Variants in RXRA observed in about 807,000 individuals in gnomAD.
The protein encoded by RXRA is retinoid X receptor alpha, also known as retinoic acid receptor RXR-alpha.
Under a neutral mutation model 44.5 loss-of-function variants are expected in RXRA, and 5 were observed. The ratio of observed to expected loss-of-function variants is 0.11; its 90% CI spans 0.06 to 0.24. RXRA has a LOEUF of 0.24. Ranked by LOEUF, RXRA falls within the 10% of genes least tolerant of loss-of-function variation. The pLI is 1.00. For synonymous variants in RXRA, 291 were observed against 271.4 expected (o/e 1.07, Z -0.71); for missense variants, 412 against 646.5 (o/e 0.64, Z 3.93).
intron 2 of RXRA, 33 bp from the exon 3 acceptor site, chr9:134,408,116 C>A (rs754312054): frequency 1.5e-5 from 23 of 1,502,236 alleles, no homozygotes; most frequent in Non-Finnish European, 2.0e-5. Flanking sequence ...ACCTGGTGTA[C>A]ACCCCGCTGA....
chr9:134,388,855 AG>A (rs1830759137), intron 1 of RXRA, among the ~76,000 whole-genome samples: 1 of 152,054 alleles, frequency 6.6e-6, no homozygotes, highest in Non-Finnish European at 1.5e-5. Flanking sequence ...GGAGGCTGTG[AG>A]TTCTCTGGAG....
intron 6 of RXRA, among the ~76,000 whole-genome samples, chr9:134,428,428 C>T (rs955758773): frequency 1.4e-5 from 2 of 140,598 alleles, no homozygotes; most frequent in Non-Finnish European, 3.1e-5. Context: ...CCCCAGGGAA[C>T]CCCCACTATG....
chr9:134,426,201 A>G lies in RXRA; in HGVS notation c.911-2907A>G, dbSNP rs1831432013. 2.0e-6 allele frequency: 2 copies of G among 985,426 alleles called. No homozygotes were observed. Among genetic ancestry groups the G allele is most frequent in the Non-Finnish European group, 2.4e-6 (2 of 829,920 alleles). The allele number at this position is 985,426 out of a possible 1,614,324, so 61.0% of individuals were successfully genotyped here. A position where few individuals can be genotyped will look rare whatever the true frequency, so the allele number is the denominator to read the frequency against. ...TGGAGTAAGACCTGGTATCCTCTGCATCACTGAGGTCCTCCTTCTGAAAGG... is the reference window on the plus strand; with the variant it reads ...TGGAGTAAGACCTGGTATCCTCTGCGTCACTGAGGTCCTCCTTCTGAAAGG... On this transcript the variant is annotated intron_variant, in intron 6 of 9. Transcript: ENST00000481739. The surrounding 1 kb of genome is among the most constrained non-coding windows in gnomAD (Gnocchi z 4.6).
At chr9:134,427,245 C>T (rs1831449875) in intron 6 of RXRA, 8 of 852,818 alleles carry the variant, frequency 9.4e-6, no homozygotes, top group Non-Finnish European at 1.1e-5. Flanking sequence ...TCGCGGCTGG[C>T]TCGGCTGAGC....
chr9:134,421,842 T>TG (rs1459039805), intron 6 of RXRA, 37 bp downstream of exon 6: 1 of 1,609,500 alleles, frequency 6.2e-7, no homozygotes, highest in Non-Finnish European at 8.5e-7. Flanking sequence ...GGGGATGCCA[T>TG]GCAGATGGGA....
chr9:134,362,014 A>G (rs978354541), intron 1 of RXRA, among the ~76,000 whole-genome samples: 5 of 152,100 alleles, frequency 3.3e-5, no homozygotes, highest in African/African-American at 4.8e-5. Flanking sequence ...CAGGGCTGCC[A>G]TTGGTGGGAG....
intron 1 of RXRA, among the ~76,000 whole-genome samples, chr9:134,328,565 G>C (rs143339170): frequency 1.3e-3 from 204 of 152,350 alleles, no homozygotes; most frequent in African/African-American, 4.6e-3. Flanking sequence ...GCTGAGCAGA[G>C]AGCCCTGGGC....
At chr9:134,368,638 GGTGT>G (rs762128457) in intron 1 of RXRA, among the ~76,000 whole-genome samples, 10 of 151,564 alleles carry the variant, frequency 6.6e-5, no homozygotes, top group South Asian at 2.1e-4. Context: ...GTGGCTGTGT[GGTGT>G]GTGTGTGAGG....
At chr9:134,410,505 C>A (rs777987860) in intron 4 of RXRA, among the ~76,000 whole-genome samples, 4 of 152,202 alleles carry the variant, frequency 2.6e-5, no homozygotes, top group African/African-American at 9.6e-5. Context: ...GTGTACCCAG[C>A]CTGGAGAGGT....
chr9:134,362,726 C>T (rs1025110384), intron 1 of RXRA, among the ~76,000 whole-genome samples: 4 of 152,302 alleles, frequency 2.6e-5, no homozygotes, highest in East Asian at 3.9e-4. Context: ...AAGGCCCCCA[C>T]GAGTGTACCC....
rs192328334 is a variant in RXRA, at chr9:134,363,357, C to T, written c.28+36698C>T. On this transcript the variant is annotated intron_variant, in intron 1 of 9. Coordinates refer to ENST00000481739, the MANE Select transcript of RXRA (RefSeq NM_002957.6). ...TGGCGGTGGGCCCTGTCCACCCACC[C>T]CATTTTCCTGAGCAGCGGGAGGTGG... Among the ~76,000 whole-genome samples the T allele has an allele frequency of 9.0e-3, 1,372 of 152,336 alleles. 9 individuals carry two copies. The highest frequency in any genetic ancestry group is 0.015 in the Non-Finnish European group (1,008 of 68,026).
intron 1 of RXRA, among the ~76,000 whole-genome samples, chr9:134,400,547 T>C (rs1377584362): frequency 7.9e-5 from 12 of 152,192 alleles, no homozygotes; most frequent in Non-Finnish European, 1.6e-4. Flanking sequence ...AGGCAGTGCC[T>C]CCAGCTCCCG....
intron 1 of RXRA, among the ~76,000 whole-genome samples, chr9:134,382,291 G>T (rs1458403857): frequency 6.6e-6 from 1 of 152,028 alleles, no homozygotes; most frequent in Non-Finnish European, 1.5e-5. Flanking sequence ...GTGTGTGTGT[G>T]TGCGCTTTTG....
intron 1 of RXRA, among the ~76,000 whole-genome samples, chr9:134,389,172 A>G (rs955307390): frequency 2.0e-5 from 3 of 152,186 alleles, no homozygotes; most frequent in African/African-American, 7.2e-5. Flanking sequence ...TCTGGATGGC[A>G]CAGACTGCAC....
chr9:134,392,500 G>A (rs1204680348), intron 1 of RXRA, among the ~76,000 whole-genome samples: 1 of 152,208 alleles, frequency 6.6e-6, no homozygotes, highest in Non-Finnish European at 1.5e-5. Context: ...AACCAGTGGA[G>A]CGAGCGTGGC....
At position 134,328,449 on chromosome 9, in the gene RXRA, G is replaced by T. The variant is rs187620054; in HGVS notation, c.28+1790G>T. ...CGTGCCTCCGAGCCACTGCCCCAGG[G>T]ATCTCCCTGGGCACTCCCCTGCCAC... On this transcript the variant is annotated intron_variant, in intron 1 of 9. Coordinates refer to ENST00000481739, the MANE Select transcript of RXRA (RefSeq NM_002957.6). Among the ~76,000 whole-genome samples, 1,090 of 152,126 alleles carry T rather than the reference G, an allele frequency of 7.2e-3. 10 individuals are homozygous for T. Among genetic ancestry groups the T allele is most frequent in the African/African-American group, 0.025 (1,017 of 41,490 alleles).
chr9:134,433,218 G>A lies in RXRA; in HGVS notation c.1136-884G>A, dbSNP rs1831561186. Among the ~76,000 whole-genome samples the A allele has an allele frequency of 6.6e-6, 1 of 152,148 alleles. No homozygotes were observed. The highest frequency in any genetic ancestry group is 2.1e-4 in the South Asian group (1 of 4,832). ...ATCCGGGCCGTAATCCTGCCAGCTC[G>A]GAGGCTGAGTCATGCCACGGCCCGG... On this transcript the variant is annotated intron_variant, in intron 8 of 9. Transcript: ENST00000481739. This position sits in a 1 kb window ranked among gnomAD's most constrained non-coding sequence, Gnocchi z 4.2.
chr9:134,328,693 C>T (rs1554746304), intron 1 of RXRA, among the ~76,000 whole-genome samples: 2 of 152,234 alleles, frequency 1.3e-5, no homozygotes, highest in Non-Finnish European at 2.9e-5. Flanking sequence ...CCTAATCCCT[C>T]CTCGGGGTGA....
intron 4 of RXRA, among the ~76,000 whole-genome samples, chr9:134,414,857 C>T (rs905645822): frequency 5.9e-5 from 9 of 152,200 alleles, no homozygotes; most frequent in Non-Finnish European, 1.3e-4. Flanking sequence ...TGGGTGGGGT[C>T]GGCTCTATAG....
Sources: allele counts gnomAD v4.1 joint callset (sites outside exome capture counted in the v4.1 genomes callset), GRCh38; gene constraint gnomAD v4.1.1; non-coding constraint Gnocchi (gnomAD v3.1); transcripts MANE v1.5; gene names NCBI Gene and HGNC (gene_info 2026-07-23, HGNC 2026-07-21).